Variants in ATP11A observed in about 807,000 individuals in gnomAD.
The protein encoded by ATP11A is phospholipid-transporting ATPase IH.
A neutral mutation model predicts 154.4 loss-of-function variants in ATP11A; 81 were observed. The ratio of observed to expected loss-of-function variants is 0.52; its 90% CI spans 0.44 to 0.63. The LOEUF is 0.63. Ranked by LOEUF, ATP11A falls within the 30% of genes least tolerant of loss-of-function variation. The pLI, the probability that ATP11A is intolerant of heterozygous loss-of-function variation, is 0.00. For missense variants in ATP11A, 1,316 were observed against 1,474.3 expected, an observed-to-expected ratio of 0.89 and a Z score of 1.76; for synonymous variants, 623 against 585.9, an observed-to-expected ratio of 1.06 and a Z score of -0.91.
In ATP11A at chr13:112,690,582, C is replaced by T. The variant is rs867393873; in HGVS notation, c.39+127C>T. The T allele has an allele frequency of 4.1e-4, 373 of 904,588 alleles. 3 individuals carry two copies. Among genetic ancestry groups the T allele is most frequent in the Non-Finnish European group, 8.9e-5 (62 of 693,366 alleles). 56.0% of individuals were successfully genotyped at this position (904,588 alleles called of 1,614,324 possible). On this transcript the variant is annotated intron_variant, in intron 1 of 29. Transcript: ENST00000375645. The surrounding 1 kb of genome is among the most constrained non-coding windows in gnomAD (Gnocchi z 5.6). ...AGGTCTCCGATGTCTGGGACTCGGA[C>T]CGCCCCCGGGGACGAGCGGGATGCT... is the stretch of plus-strand genomic sequence containing the variant.
intron 18 of ATP11A, among the ~76,000 whole-genome samples, chr13:112,853,819 A>G (rs2079845519): frequency 6.6e-6 from 1 of 152,168 alleles, no homozygotes; most frequent in African/African-American, 2.4e-5. Flanking sequence ...CCTGGACCCC[A>G]AGTGGGTTCT....
At chr13:112,747,562 A>G (rs887006752) in intron 1 of ATP11A, 2 of 152,236 alleles carry the variant, frequency 1.3e-5, no homozygotes, top group Admixed American at 6.5e-5. Context: ...AGGGCCTGGT[A>G]TGGTGGCTCA....
chr13:112,883,131 C>T lies in ATP11A; in HGVS notation c.*1265C>T. 2 of 389,500 alleles carry T rather than the reference C, an allele frequency of 5.1e-6. No individual in the cohort carries two copies. The highest frequency in any genetic ancestry group is 9.0e-6 in the Non-Finnish European group (2 of 222,360). The allele number at this position is 389,500 out of a possible 1,614,324, so 24.1% of individuals were successfully genotyped here. On this transcript the variant is annotated 3_prime_UTR_variant, in exon 30 of 30. Coordinates refer to ENST00000375645, the MANE Select transcript of ATP11A (RefSeq NM_015205.3). Reference sequence around the variant, plus strand: ...CCACGTCCCCTCGTCTCCTCATCCCCACGTCCTCTCGTCCCCTTGTCCCGT... The same window carrying T: ...CCACGTCCCCTCGTCTCCTCATCCCTACGTCCTCTCGTCCCCTTGTCCCGT...
chr13:112,797,824 C>T lies in ATP11A; in HGVS notation c.163-7133C>T, dbSNP rs553469961. Among the ~76,000 whole-genome samples the T allele has an allele frequency of 2.0e-5, 3 of 152,306 alleles. No individual in the cohort carries two copies. The East Asian group carries it at 5.8e-4, about 29-fold the overall frequency. On this transcript the variant is annotated intron_variant, in intron 2 of 29. Transcript: ENST00000375645. Reference sequence around the variant, plus strand: ...TATATAGGTCAGAAATTCAGGTCTACTTAGGAAAGAAGAACACAGCACTAA... The same window carrying T: ...TATATAGGTCAGAAATTCAGGTCTATTTAGGAAAGAAGAACACAGCACTAA...
At position 112,875,044 on chromosome 13, in the gene ATP11A, C is replaced by T. The variant is rs1019856345; in HGVS notation, c.3162-732C>T. Among the ~76,000 whole-genome samples the T allele has an allele frequency of 3.9e-5, 6 of 152,308 alleles. No homozygotes were observed. The highest frequency in any genetic ancestry group is 2.1e-4 in the South Asian group (1 of 4,826). On this transcript the variant is annotated intron_variant, in intron 27 of 29. Coordinates refer to ENST00000375645, the MANE Select transcript of ATP11A (RefSeq NM_015205.3). This position sits in a 1 kb window ranked among gnomAD's most constrained non-coding sequence, Gnocchi z 4.1. ...GGTGATGAGACCCCATCCTCCTGCC[C>T]GCCACCAGCACCACGTGGGTGCCCC...
In ATP11A at chr13:112,785,572, C is replaced by T. The variant is rs567474820; in HGVS notation, c.162+315C>T. On this transcript the variant is annotated intron_variant, in intron 2 of 29. Transcript: ENST00000375645. The surrounding 1 kb of genome is among the most constrained non-coding windows in gnomAD (Gnocchi z 4.8). ...CCCTACCCAGGTCCCACTTCTGAGG[C>T]GCCTGGCCACGTGCTTGTCGTGGGC... 4.6e-5 allele frequency among the ~76,000 whole-genome samples: 7 copies of T among 152,226 alleles called. No homozygotes were observed. In the South Asian group the frequency reaches 1.0e-3, roughly 23 times the overall value.
At chr13:112,703,686 G>A (rs909921663) in intron 1 of ATP11A, among the ~76,000 whole-genome samples, 1 of 152,080 alleles carries the variant, frequency 6.6e-6, no homozygotes, top group East Asian at 1.9e-4. Context: ...CGCAGTTCCC[G>A]TGGTTGGTTC....
intron 1 of ATP11A, among the ~76,000 whole-genome samples, chr13:112,692,469 C>G (rs1885308579): frequency 1.3e-5 from 2 of 152,174 alleles, no homozygotes; most frequent in African/African-American, 4.8e-5. Flanking sequence ...TTTCTCCAGG[C>G]CTTCAGCTGT....
chr13:112,768,839 G>A (rs10219956), intron 1 of ATP11A, among the ~76,000 whole-genome samples: 2,234 of 152,292 alleles, frequency 0.015, 68 homozygotes, highest in African/African-American at 0.05. Flanking sequence ...AGGCTTGAGC[G>A]TCTCTCCTGT....
chr13:112,785,067 A>G lies in ATP11A; in HGVS notation c.40-68A>G, dbSNP rs963050842. On this transcript the variant is annotated intron_variant, in intron 1 of 29. Coordinates refer to ENST00000375645, the MANE Select transcript of ATP11A (RefSeq NM_015205.3). The surrounding 1 kb of genome is among the most constrained non-coding windows in gnomAD (Gnocchi z 4.8). ...GTTCCGACGAACGTGCCTCAAGGCA[A>G]CACTCTGGGCAAGAGCTTTTGATGC... 5 of 1,379,376 alleles carry G rather than the reference A, an allele frequency of 3.6e-6. No homozygotes were observed. In the African/African-American group the frequency reaches 6.0e-5, roughly 16 times the overall value. 85.4% of individuals were successfully genotyped at this position (1,379,376 alleles called of 1,614,324 possible). A position where few individuals can be genotyped will look rare whatever the true frequency, so the allele number is the denominator to read the frequency against.
At chr13:112,725,961 G>C (rs973105384) in intron 1 of ATP11A, among the ~76,000 whole-genome samples, 1 of 152,244 alleles carries the variant, frequency 6.6e-6, no homozygotes, top group Non-Finnish European at 1.5e-5. Context: ...GGCGGGAAGC[G>C]GTGGCCCTGG....
intron 19 of ATP11A, 131 bp from the exon 20 acceptor site, chr13:112,855,780 G>C: frequency 2.5e-6 from 2 of 804,330 alleles, no homozygotes; most frequent in Non-Finnish European, 1.9e-6. Context: ...AATTGTATTG[G>C]TAAAACAAGA....
At chr13:112,864,790 T>C (rs78771801) in intron 25 of ATP11A, among the ~76,000 whole-genome samples, 349 of 20,246 alleles carry the variant, frequency 0.017, no homozygotes, top group Non-Finnish European at 0.02. Flanking sequence ...ATGCAGCTTC[T>C]CAGCGGGGTC....
intron 16 of ATP11A, among the ~76,000 whole-genome samples, chr13:112,839,536 G>C (rs1020606226): frequency 6.6e-6 from 1 of 152,168 alleles, no homozygotes; most frequent in Non-Finnish European, 1.5e-5. Context: ...ATGGCAGTAA[G>C]CCCTTCTTGG....
At chr13:112,722,107 A>G (rs914192266) in intron 1 of ATP11A, among the ~76,000 whole-genome samples, 4 of 152,192 alleles carry the variant, frequency 2.6e-5, no homozygotes, top group South Asian at 4.1e-4. Context: ...TCTGAGCCAA[A>G]TATGAGTGAC....
At chr13:112,751,689 A>AAC (rs572545445) in intron 1 of ATP11A, among the ~76,000 whole-genome samples, 1 of 151,822 alleles carries the variant, frequency 6.6e-6, no homozygotes, top group Non-Finnish European at 1.5e-5. Context: ...AAAAAAAAAA[A>AAC]CAGACATTGG....
intron 1 of ATP11A, among the ~76,000 whole-genome samples, chr13:112,763,130 A>G (rs973104079): frequency 5.3e-5 from 8 of 152,258 alleles, no homozygotes; most frequent in Non-Finnish European, 8.8e-5. Flanking sequence ...CTATGCCTGC[A>G]TGTCTTACCA....
intron 2 of ATP11A, among the ~76,000 whole-genome samples, chr13:112,793,291 G>A (rs113755868): frequency 0.017 from 2,640 of 152,148 alleles, 69 homozygotes; most frequent in African/African-American, 0.058. Context: ...AACCTCCACC[G>A]CCCGGGTTTA....
Position 112,881,907 on chromosome 13 carries a change from C to T in ATP11A, c.*41C>T. The T allele has an allele frequency of 7.3e-7, 1 of 1,367,806 alleles. No homozygotes were observed. The allele number at this position is 1,367,806 out of a possible 1,614,324, so 84.7% of individuals were successfully genotyped here. ...GGCTACCAGAGCACCTGTCCCTCGG[C>T]CGCCTGGTACAGCTCCCACTCTCAG... On this transcript the variant is annotated 3_prime_UTR_variant, in exon 30 of 30. Coordinates refer to ENST00000375645, the MANE Select transcript of ATP11A (RefSeq NM_015205.3).
Sources: gnomAD v4.1 joint callset for allele counts (sites outside exome capture counted in the v4.1 genomes callset) on GRCh38, gnomAD v4.1.1 for gene constraint, Gnocchi (gnomAD v3.1) non-coding constraint, MANE v1.5 for transcripts, NCBI Gene and HGNC (gene_info 2026-07-23, HGNC 2026-07-21) for gene names.